Variants in TTBK2 observed in about 807,000 individuals in gnomAD.
TTBK2 encodes tau tubulin kinase 2.
TTBK2 carries 28 observed loss-of-function variants against 110.8 expected under a neutral mutation model. The ratio of observed to expected loss-of-function variants is 0.25; its 90% CI spans 0.19 to 0.35. The LOEUF is 0.35. Among genes scored for constraint, TTBK2 ranks in the 10% least tolerant of loss-of-function variants. The pLI, the probability that TTBK2 is intolerant of heterozygous loss-of-function variation, is 1.00. For missense variants in TTBK2, 1,369 were observed against 1,500.3 expected (o/e 0.91, Z 1.45); for synonymous variants, 532 against 527.3 (o/e 1.01, Z -0.12).
chr15:42,893,300 C>T (rs1351421054), intron 1 of TTBK2, among the ~76,000 whole-genome samples: 1 of 152,024 alleles, frequency 6.6e-6, no homozygotes, highest in East Asian at 1.9e-4. Flanking sequence ...TCAAGACCAG[C>T]CTGGGCAACC....
At chr15:42,801,644 T>A (rs753010946) in intron 9 of TTBK2, 6 of 855,014 alleles carry the variant, frequency 7.0e-6, no homozygotes, top group Non-Finnish European at 1.2e-5. Flanking sequence ...GATGATGCTG[T>A]CCATGTCCAG....
chr15:42,902,986 CAA>C (rs34312217), intron 1 of TTBK2, among the ~76,000 whole-genome samples: 28 of 71,274 alleles, frequency 3.9e-4, no homozygotes, highest in East Asian at 2.3e-3. Context: ...CTCTGTTTCT[CAA>C]AAAAAAAAAA....
At chr15:42,864,023 A>C (rs551531987) in intron 3 of TTBK2, among the ~76,000 whole-genome samples, 1 of 152,330 alleles carries the variant, frequency 6.6e-6, no homozygotes, top group East Asian at 1.9e-4. Context: ...TGGCCTTGGC[A>C]AAGGCATTTT....
chr15:42,761,105 A>G (rs2062019679), intron 13 of TTBK2, among the ~76,000 whole-genome samples: 1 of 152,200 alleles, frequency 6.6e-6, no homozygotes, highest in Non-Finnish European at 1.5e-5. Context: ...TCAATAAATG[A>G]TGCTGGGAAA....
intron 11 of TTBK2, among the ~76,000 whole-genome samples, chr15:42,779,106 T>G (rs148977984): frequency 2.0e-5 from 3 of 152,270 alleles, no homozygotes; most frequent in African/African-American, 7.2e-5. Flanking sequence ...AAAATAACTA[T>G]CAATAACTTT....
In TTBK2 at chr15:42,878,812, G is replaced by C. The variant is rs531902237; in HGVS notation, c.-67-128C>G. ...TAGGCTATTTTGTTGGGAAGAAGGG[G>C]AAAAAGACCTAGAAATGTTTGATGC... On this transcript the variant is annotated intron_variant, in intron 1 of 14. Transcript: ENST00000267890. 444 of 1,203,688 alleles carry C rather than the reference G, an allele frequency of 3.7e-4. 2 individuals carry two copies. Among genetic ancestry groups the C allele is most frequent in the Non-Finnish European group, 5.1e-5 (45 of 881,492 alleles). The allele number at this position is 1,203,688 out of a possible 1,614,324, so 74.6% of individuals were successfully genotyped here.
At chr15:42,815,947 T>TATA (rs1188195668) in intron 7 of TTBK2, among the ~76,000 whole-genome samples, 6,200 of 36,970 alleles carry the variant, frequency 0.17, 375 homozygotes, top group South Asian at 0.28. Context: ...TATATATATA[T>TATA]TTAAAAAAAA....
rs141483333 is a variant in TTBK2, at chr15:42,838,640, A to C, written c.291+1720T>G. 2.6e-5 allele frequency among the ~76,000 whole-genome samples: 4 copies of C among 152,112 alleles called. No individual in the cohort carries two copies. In the South Asian group the frequency reaches 8.3e-4, roughly 32 times the overall value. On this transcript the variant is annotated intron_variant, in intron 4 of 14. Coordinates refer to ENST00000267890, the MANE Select transcript of TTBK2 (RefSeq NM_173500.4). ...ACGCCAGCCTGGCCAACATGATGAAATCCCATCTCTACTAAAAATACAGAA... is the reference window on the plus strand; with the variant it reads ...ACGCCAGCCTGGCCAACATGATGAACTCCCATCTCTACTAAAAATACAGAA...
chr15:42,902,130 T>C (rs1260368317), intron 1 of TTBK2, among the ~76,000 whole-genome samples: 1 of 147,696 alleles, frequency 6.8e-6, no homozygotes, highest in Non-Finnish European at 1.5e-5. Flanking sequence ...GCAGGAGAAC[T>C]GCCTGAACCC....
chr15:42,919,016 G>A (rs987208696), intron 1 of TTBK2, among the ~76,000 whole-genome samples: 3 of 152,102 alleles, frequency 2.0e-5, no homozygotes, highest in African/African-American at 7.2e-5. Flanking sequence ...AGGGAAGAAA[G>A]CATTTCCTAA....
intron 7 of TTBK2, among the ~76,000 whole-genome samples, chr15:42,812,311 T>C (rs1891757836): frequency 6.6e-6 from 1 of 152,156 alleles, no homozygotes; most frequent in South Asian, 2.1e-4. Flanking sequence ...CATTATACTG[T>C]AATTGTTTTC....
In TTBK2 at chr15:42,838,253, C is replaced by G. The variant is rs531627936; in HGVS notation, c.291+2107G>C. 5.3e-5 allele frequency among the ~76,000 whole-genome samples: 8 copies of G among 151,960 alleles called. No individual in the cohort carries two copies. The South Asian group carries it at 6.2e-4, about 12-fold the overall frequency. ...TAAAGAAACCAAATGCCCAAAACAA[C>G]GTTTGCTTAAGATGAAAAGAAATAC... On this transcript the variant is annotated intron_variant, in intron 4 of 14. Coordinates refer to ENST00000267890, the MANE Select transcript of TTBK2 (RefSeq NM_173500.4).
At chr15:42,780,450 A>G (rs1460378172) in intron 11 of TTBK2, among the ~76,000 whole-genome samples, 1 of 151,970 alleles carries the variant, frequency 6.6e-6, no homozygotes, top group Non-Finnish European at 1.5e-5. Context: ...CAGTATCAGA[A>G]AGGTAGTTAG....
At position 42,753,203 on chromosome 15, in the gene TTBK2, T is replaced by C. The variant is rs769842511; in HGVS notation, c.2043A>G (p.Ser681=). 43 of 1,612,408 alleles carry C rather than the reference T, an allele frequency of 2.7e-5. No homozygotes were observed. Among genetic ancestry groups the C allele is most frequent in the Non-Finnish European group, 3.6e-5 (42 of 1,179,646 alleles). The change falls in exon 14 of 15, where the codon TCA becomes TCG. Residue 681 remains serine, a synonymous_variant. Coordinates refer to ENST00000267890, the MANE Select transcript of TTBK2 (RefSeq NM_173500.4). ...RPSVASTQST[S]GSFHCGQQPE... ...GCTGCTGACCACAGTGAAAGCTTCC[T>C]GAAGTTGACTGTGTAGATGCCACAG...
intron 1 of TTBK2, among the ~76,000 whole-genome samples, chr15:42,907,975 A>C (rs1284612358): frequency 2.0e-5 from 3 of 151,944 alleles, no homozygotes; most frequent in Non-Finnish European, 4.4e-5. Context: ...GGTCCCAGCT[A>C]CTCAGGAGGC....
chr15:42,885,032 C>T (rs955881300), intron 1 of TTBK2, among the ~76,000 whole-genome samples: 1 of 152,176 alleles, frequency 6.6e-6, no homozygotes, highest in African/African-American at 2.4e-5. Flanking sequence ...CTAACTCCAC[C>T]ACCTATCCCA....
chr15:42,763,157 C>CACATATAT, intron 13 of TTBK2, among the ~76,000 whole-genome samples: 1 of 20,472 alleles, frequency 4.9e-5, no homozygotes, highest in South Asian at 3.4e-3. Context: ...TATATATATA[C>CACATATAT]ATATATATAT....
chr15:42,748,528 C>T (rs913811520), intron 14 of TTBK2, among the ~76,000 whole-genome samples: 5 of 152,060 alleles, frequency 3.3e-5, no homozygotes, highest in African/African-American at 1.2e-4. Context: ...TAGAAGGATC[C>T]TCCCACCTCA....
chr15:42,771,259 C>T (rs916522708), intron 13 of TTBK2, among the ~76,000 whole-genome samples: 6 of 152,112 alleles, frequency 3.9e-5, no homozygotes, highest in African/African-American at 7.2e-5. Context: ...AGGCGTGAGC[C>T]ACCACGCCCG....
Sources: gnomAD v4.1 joint callset for allele counts (sites outside exome capture counted in the v4.1 genomes callset) on GRCh38, gnomAD v4.1.1 for gene constraint, MANE v1.5 for transcripts, NCBI Gene and HGNC (gene_info 2026-07-23, HGNC 2026-07-21) for gene names.